Variants in CPED1 observed in about 807,000 individuals in gnomAD.
CPED1 encodes cadherin-like and PC-esterase domain-containing protein 1.
A neutral mutation model predicts 128.2 loss-of-function variants in CPED1; 114 were observed. The observed-to-expected ratio is 0.89, with a 90% confidence interval of 0.76 to 1.04. The LOEUF (loss-of-function observed/expected upper bound fraction) is 1.04, where lower values mean the gene tolerates loss of function less well. CPED1 is among the 50% of genes least tolerant of loss of function. CPED1 has a pLI of 0.00. For missense variants in CPED1, 1,211 were observed against 1,207.1 expected, an observed-to-expected ratio of 1.00 and a Z score of -0.05; for synonymous variants, 462 against 426.7, an observed-to-expected ratio of 1.08 and a Z score of -1.02.
At chr7:121,226,898 A>G (rs1291752384) in intron 16 of CPED1, among the ~76,000 whole-genome samples, 1 of 152,126 alleles carries the variant, frequency 6.6e-6, no homozygotes, top group Non-Finnish European at 1.5e-5. Context: ...CTGATTGACT[A>G]CAGTGCAAGG....
At chr7:121,293,959 T>A (rs2116795659) in intron 22 of CPED1, among the ~76,000 whole-genome samples, 1 of 152,192 alleles carries the variant, frequency 6.6e-6, no homozygotes, top group Middle Eastern at 3.4e-3. Flanking sequence ...TTTGGCGATC[T>A]TGCCAGCCCC....
At position 120,988,920 on chromosome 7, in the gene CPED1, C is replaced by T. The variant is rs1796264922; in HGVS notation, c.-232+8C>T. ...TAAAAGGATGAAAACTGAGTAAGTACATAGAACTTTGAACTTGAGACGGAA... is the reference window on the plus strand; with the variant it reads ...TAAAAGGATGAAAACTGAGTAAGTATATAGAACTTTGAACTTGAGACGGAA... On this transcript the variant is annotated splice_region_variant and intron_variant, in intron 1 of 22. Coordinates refer to ENST00000310396, the MANE Select transcript of CPED1 (RefSeq NM_024913.5). 6.6e-6 allele frequency: 1 copy of T among 152,060 alleles called. No individual in the cohort carries two copies. The highest frequency in any genetic ancestry group is 2.4e-5 in the African/African-American group (1 of 41,374). The allele number at this position is 152,060 out of a possible 1,614,324, so 9.4% of individuals were successfully genotyped here.
intron 5 of CPED1, among the ~76,000 whole-genome samples, chr7:121,079,616 T>C (rs1794230165): frequency 6.6e-6 from 1 of 152,234 alleles, no homozygotes; most frequent in Non-Finnish European, 1.5e-5. Context: ...ATACTTTGCT[T>C]TGGCATCAGG....
At position 121,266,417 on chromosome 7, in the gene CPED1, T is replaced by G; in HGVS notation, c.2501T>G (p.Phe834Cys). Residue 834 changes from phenylalanine to cysteine, a missense_variant, in exon 19 of 23, where the codon TTT becomes TGT. By Grantham distance (205) the Phe-to-Cys change is radical. Transcript: ENST00000310396. ...ATAAGCCCTTCATTGAGACCAACAT[T>G]TGAAAATGCACTTGAACACCTCTTG... ...FWISPSLRPT[F>C]ENALEHLLQR... The G allele has an allele frequency of 6.2e-7, 1 of 1,612,972 alleles. No homozygotes were observed. Among genetic ancestry groups the G allele is most frequent in the African/African-American group, 1.3e-5 (1 of 74,928 alleles).
chr7:121,196,413 A>C (rs929925482), intron 16 of CPED1, among the ~76,000 whole-genome samples: 3 of 152,134 alleles, frequency 2.0e-5, no homozygotes, highest in African/African-American at 7.2e-5. Context: ...GCTTTTGAAA[A>C]AGAGCATGAT....
intron 2 of CPED1, among the ~76,000 whole-genome samples, chr7:120,996,870 C>T (rs536999403): frequency 6.6e-6 from 1 of 152,278 alleles, no homozygotes; most frequent in South Asian, 2.1e-4. Flanking sequence ...TGCACAGGTC[C>T]CATTAATACC....
chr7:121,104,139 T>A (rs1473366865), intron 7 of CPED1, among the ~76,000 whole-genome samples: 1 of 151,966 alleles, frequency 6.6e-6, no homozygotes, highest in Non-Finnish European at 1.5e-5. Flanking sequence ...TGATTTTAAA[T>A]CAACTCTATT....
chr7:121,118,701 C>T (rs917571708), intron 7 of CPED1, among the ~76,000 whole-genome samples: 7 of 152,096 alleles, frequency 4.6e-5, no homozygotes, highest in Admixed American at 2.6e-4. Flanking sequence ...CACCGTCCTG[C>T]AGGTTGTACA....
At chr7:121,286,249 C>T (rs747661777) in intron 22 of CPED1, among the ~76,000 whole-genome samples, 2 of 152,142 alleles carry the variant, frequency 1.3e-5, no homozygotes, top group East Asian at 1.9e-4. Flanking sequence ...CCTCTAATGA[C>T]GTGTAGGGAT....
intron 2 of CPED1, among the ~76,000 whole-genome samples, chr7:120,998,177 C>T (rs867869658): frequency 5.9e-5 from 9 of 152,062 alleles, no homozygotes; most frequent in Admixed American, 1.3e-4. Flanking sequence ...TTATTTCAGG[C>T]TTCTAGCCTC....
intron 12 of CPED1, among the ~76,000 whole-genome samples, chr7:121,132,291 A>C (rs1416160497): frequency 6.6e-6 from 1 of 152,064 alleles, no homozygotes; most frequent in Non-Finnish European, 1.5e-5. Context: ...CCTTCTCACC[A>C]ATGGTCCAGT....
Position 121,025,758 on chromosome 7 carries a change from G to A in CPED1, c.433+9910G>A, listed in dbSNP as rs945603168. On this transcript the variant is annotated intron_variant, in intron 3 of 22. Transcript: ENST00000310396. ...TTTTTTTCCTTTTCTTGATACTCCC[G>A]TCAAGAATTTTTTGTACTCTGCAAA... is the stretch of plus-strand genomic sequence containing the variant. 4.0e-5 allele frequency among the ~76,000 whole-genome samples: 6 copies of A among 151,894 alleles called. No individual in the cohort carries two copies. In the East Asian group the frequency reaches 9.7e-4, roughly 25 times the overall value.
rs372259844 is a variant in CPED1 at position 121,015,748 on chromosome 7, G to A, written c.333G>A (p.Glu111=). The part of the protein sequence containing the change: ...LYRPPFYSKT[E]LQLHQHILTQ... ...GGCCTCCTTTCTACAGCAAAACAGA[G>A]CTTCAGCTACACCAGCACATTCTGA... The change falls in exon 3 of 23, where the codon GAG becomes GAA. Residue 111 remains glutamate, a synonymous_variant. Coordinates refer to ENST00000310396, the MANE Select transcript of CPED1 (RefSeq NM_024913.5). The A allele has an allele frequency of 5.0e-6, 8 of 1,611,808 alleles. No individual in the cohort carries two copies. In the African/African-American group the frequency reaches 9.4e-5, roughly 19 times the overall value.
chr7:121,236,691 T>A, intron 16 of CPED1, 23 bp from the exon 17 acceptor site: 1 of 1,385,596 alleles, frequency 7.2e-7, no homozygotes, highest in Non-Finnish European at 1.0e-6. Context: ...ATACAACAAC[T>A]AATATCTATT....
rs35159862 is a variant in CPED1 at position 121,044,648 on chromosome 7, C to CTTTTTTTTTTT, written c.434-2238_434-2237insTTTTTTTTTTT. On this transcript the variant is annotated intron_variant, in intron 3 of 22. Coordinates refer to ENST00000310396, the MANE Select transcript of CPED1 (RefSeq NM_024913.5). Reference sequence around the variant, plus strand: ...GATTGCTGAGAGCAGTGACTTTCTGCTCTTTTTTTTTTTTTTTTTTTGCTA... The same window carrying CTTTTTTTTTTT: ...GATTGCTGAGAGCAGTGACTTTCTGCTTTTTTTTTTTTCTTTTTTTTTTTTTTTTTTTGCTA... 4.1e-3 allele frequency among the ~76,000 whole-genome samples: 288 copies of CTTTTTTTTTTT among 69,422 alleles called. 61 individuals carry two copies. Among genetic ancestry groups the CTTTTTTTTTTT allele is most frequent in the East Asian group, 7.3e-3 (15 of 2,056 alleles). The allele number at this position is 69,422 out of a possible 152,430, so 45.5% of individuals were successfully genotyped here.
chr7:121,074,510 T>TTTTTTTTTG (rs1563015569), intron 5 of CPED1, among the ~76,000 whole-genome samples: 1 of 16,460 alleles, frequency 6.1e-5, no homozygotes, highest in Non-Finnish European at 1.5e-4. Context: ...TTCCTTTGTG[T>TTTTTTTTTG]TTTTTTTTTT....
At chr7:121,145,021 G>A (rs139524546) in intron 16 of CPED1, among the ~76,000 whole-genome samples, 65 of 151,542 alleles carry the variant, frequency 4.3e-4, no homozygotes, top group African/African-American at 1.4e-3. Flanking sequence ...TCTGGGTGCT[G>A]GTTACATATA....
At chr7:121,182,801 C>A (rs1181646900) in intron 16 of CPED1, among the ~76,000 whole-genome samples, 1 of 152,068 alleles carries the variant, frequency 6.6e-6, no homozygotes, top group Non-Finnish European at 1.5e-5. Context: ...ATACTGCCTA[C>A]TTCACTGTGT....
intron 16 of CPED1, among the ~76,000 whole-genome samples, chr7:121,202,233 C>T (rs1488113975): frequency 6.6e-6 from 1 of 152,144 alleles, no homozygotes; most frequent in African/African-American, 2.4e-5. Context: ...TCAAAGAACT[C>T]TGCTGGTTTA....
Sources: allele counts gnomAD v4.1 joint callset (sites outside exome capture counted in the v4.1 genomes callset), GRCh38; gene constraint gnomAD v4.1.1; transcripts MANE v1.5; gene names NCBI Gene and HGNC (gene_info 2026-07-23, HGNC 2026-07-21).